RALGDS: variants seen among roughly 807,000 people sequenced by gnomAD.
RALGDS encodes the protein ral guanine nucleotide exchange factor.
Under a neutral mutation model 99.8 loss-of-function variants are expected in RALGDS, and 44 were observed. The ratio of observed to expected loss-of-function variants is 0.44; its 90% CI spans 0.35 to 0.57. The LOEUF (loss-of-function observed/expected upper bound fraction) is 0.57, where lower values mean the gene tolerates loss of function less well. Ranked by LOEUF, RALGDS falls within the 20% of genes least tolerant of loss-of-function variation. The pLI is 0.01. For missense variants in RALGDS, 1,022 were observed against 1,203.1 expected (o/e 0.85, Z 2.23); for synonymous variants, 529 against 505.0 (o/e 1.05, Z -0.64).
chr9:133,144,451 G>C lies in RALGDS; in HGVS notation c.18+4512C>G, dbSNP rs1209726161. 6.6e-6 allele frequency among the ~76,000 whole-genome samples: 1 copy of C among 152,208 alleles called. No individual in the cohort carries two copies. Among genetic ancestry groups the C allele is most frequent in the African/African-American group, 2.4e-5 (1 of 41,454 alleles). ...ACCCCGCCTCGGCCCCGCCTGGTTTGATTTCCTCCCGTGTGTGTCACCCAT... is the reference window on the plus strand; with the variant it reads ...ACCCCGCCTCGGCCCCGCCTGGTTTCATTTCCTCCCGTGTGTGTCACCCAT... On this transcript the variant is annotated intron_variant, in intron 1 of 17. Coordinates refer to the RALGDS transcript ENST00000393160. This position sits in a 1 kb window ranked among gnomAD's most constrained non-coding sequence, Gnocchi z 4.5.
At chr9:133,110,230 C>G (rs370589077) in intron 3 of RALGDS, 66 bp downstream of exon 3, 1 of 1,506,332 alleles carries the variant, frequency 6.6e-7, no homozygotes, top group East Asian at 2.3e-5. Context: ...TGCCAAGACC[C>G]GCAGCCAGGT....
intron 1 of RALGDS, among the ~76,000 whole-genome samples, chr9:133,148,026 G>T (rs1365385316): frequency 6.6e-6 from 1 of 152,114 alleles, no homozygotes; most frequent in African/African-American, 2.4e-5. Context: ...GCCACGCTCT[G>T]CACCACCCCA....
At chr9:133,122,773 C>T (rs1186520749), upstream of RALGDS, among the ~76,000 whole-genome samples, 1 of 151,744 alleles carries the variant, frequency 6.6e-6, no homozygotes, top group Admixed American at 6.6e-5. Flanking sequence ...GGTGTGATCT[C>T]GGCTCACTAA....
rs948567891 is a variant in RALGDS at position 133,121,037 on chromosome 9, G to A, written c.118C>T (p.Pro40Ser). 3 of 1,495,092 alleles carry A rather than the reference G, an allele frequency of 2.0e-6. No individual in the cohort carries two copies. In the African/African-American group the frequency reaches 4.4e-5, roughly 22 times the overall value. 92.6% of individuals were successfully genotyped at this position (1,495,092 alleles called of 1,614,324 possible). A position where few individuals can be genotyped will look rare whatever the true frequency, so the allele number is the denominator to read the frequency against. The change falls in exon 1 of 18, where the codon CCC becomes TCC. Residue 40 changes from proline (P) to serine (S), a missense_variant. Pro to Ser is a moderately conservative substitution (Grantham distance 74, BLOSUM62 -1). This residue lies in a region of RALGDS where 180 missense variants were observed against 169.3 expected (regional missense o/e 1.06). Coordinates refer to ENST00000372050, the MANE Select transcript of RALGDS (RefSeq NM_006266.4). Reference protein sequence around the residue: ...WDAVRLEVGVPDSCPVVLHSF... With the variant: ...WDAVRLEVGVSDSCPVVLHSF... ...TGCAGCACCACCGGGCAGCTGTCGG[G>A]GACGCCCACCTCCAGGCGCACGGCG...
At chr9:133,131,719 C>T (rs759198835), upstream of RALGDS, among the ~76,000 whole-genome samples, 1 of 152,120 alleles carries the variant, frequency 6.6e-6, no homozygotes, top group Non-Finnish European at 1.5e-5. Flanking sequence ...AGTGACTCAA[C>T]CTTGACCTTC....
chr9:133,103,927 G>T, intron 10 of RALGDS, 94 bp from the exon 11 acceptor site: 2 of 1,243,460 alleles, frequency 1.6e-6, no homozygotes, highest in Non-Finnish European at 2.3e-6. Flanking sequence ...ACAGCTGGGG[G>T]ACCTCTGGGG....
rs556141261 is a variant in RALGDS at position 133,113,749 on chromosome 9, G to A, written c.184-1597C>T. On this transcript the variant is annotated intron_variant, in intron 1 of 17. Coordinates refer to ENST00000372050, the MANE Select transcript of RALGDS (RefSeq NM_006266.4). ...CGGGCCTCCTCAGGGGTCCCAGACT[G>A]CCTCCTGTGAAGGCCGTTGGCTCAG... Among the ~76,000 whole-genome samples the A allele has an allele frequency of 7.2e-5, 11 of 152,322 alleles. No individual in the cohort carries two copies. In the East Asian group the frequency reaches 1.7e-3, roughly 24 times the overall value.
Position 133,106,936 on chromosome 9 carries a change from G to A in RALGDS, c.1413+149C>T, listed in dbSNP as rs180984107. 4,808 of 963,346 alleles carry A rather than the reference G, an allele frequency of 5.0e-3. 249 individuals are homozygous for A. In the Admixed American group the frequency reaches 0.086, roughly 17 times the overall value. The allele number at this position is 963,346 out of a possible 1,614,324, so 59.7% of individuals were successfully genotyped here. On this transcript the variant is annotated intron_variant, in intron 7 of 17. Coordinates refer to ENST00000372050, the MANE Select transcript of RALGDS (RefSeq NM_006266.4). ...CCCAAGGAAAGAGTGTAAGGAAGACGTGAGCATCCAGGCAGTGGGCTGGGA... is the reference window on the plus strand; with the variant it reads ...CCCAAGGAAAGAGTGTAAGGAAGACATGAGCATCCAGGCAGTGGGCTGGGA...
In RALGDS at chr9:133,108,865, C is replaced by G; in HGVS notation, c.586G>C (p.Ala196Pro). ...CAGGTGCCCAGGATGGAGGAGATGG[C>G]ACTGGGGACAGGTGGGTGGCAGCAG... is the stretch of plus-strand genomic sequence containing the variant. The part of the protein sequence containing the change: ...DGGPQDQLKN[A>P]ISSILGTWLD... The change falls in exon 5 of 18, where the codon GCC (alanine) becomes CCC (proline). Residue 196 changes from alanine to proline, a missense_variant and splice_region_variant. Around this residue, in one of 3 missense-constraint regions of RALGDS, gnomAD observed 825 missense variants for 994.5 expected, o/e 0.83. Transcript: ENST00000372050. The G allele has an allele frequency of 6.2e-7, 1 of 1,611,150 alleles. No homozygotes were observed. The highest frequency in any genetic ancestry group is 8.5e-7 in the Non-Finnish European group (1 of 1,178,746).
In RALGDS at chr9:133,107,060, G is replaced by C. The variant is rs1216041738; in HGVS notation, c.1413+25C>G. 5 of 1,611,630 alleles carry C rather than the reference G, an allele frequency of 3.1e-6. No individual in the cohort carries two copies. The South Asian group carries it at 5.5e-5, about 18-fold the overall frequency. On this transcript the variant is annotated intron_variant, in intron 7 of 17. Transcript: ENST00000372050. ...TGAGAACAGATGAAGCCAAAGTGGG[G>C]GCCCAGGCCCCTCCTCTGGCATACC... is the stretch of plus-strand genomic sequence containing the variant.
chr9:133,120,332 G>C (rs1831854226), intron 1 of RALGDS, among the ~76,000 whole-genome samples: 1 of 152,086 alleles, frequency 6.6e-6, no homozygotes, highest in South Asian at 2.1e-4. Flanking sequence ...GCAGAAACAA[G>C]TCTTGCCCGC....
chr9:133,103,589 A>C (rs1830864432), intron 11 of RALGDS, 158 bp downstream of exon 11: 1 of 837,582 alleles, frequency 1.2e-6, no homozygotes. Context: ...ACTCAGCCAA[A>C]CCCTGCTGCA....
chr9:133,106,795 G>T, intron 7 of RALGDS, 47 bp from the exon 8 acceptor site: 3 of 1,431,702 alleles, frequency 2.1e-6, no homozygotes, highest in Non-Finnish European at 1.9e-6. Context: ...GGAGCTCCCA[G>T]CTTGCCTGGC....
intron 1 of RALGDS, among the ~76,000 whole-genome samples, 167 bp from the exon 2 acceptor site, chr9:133,112,319 C>T (rs1181021818): frequency 6.6e-6 from 1 of 151,970 alleles, no homozygotes; most frequent in Non-Finnish European, 1.5e-5. Context: ...GAGCCACTGT[C>T]CCGGCACTCC....
Position 133,106,663 on chromosome 9 carries a change from G to A in RALGDS, c.1499C>T (p.Thr500Met), listed in dbSNP as rs61739697. 1.6e-5 allele frequency: 25 copies of A among 1,610,206 alleles called. No homozygotes were observed. The highest frequency in any genetic ancestry group is 4.0e-5 in the African/African-American group (3 of 74,814). ...TGCCCACCTGGAAACGTCTTCCCAC[G>A]TCTTCTTCAGACGGTGGATGGAGTT... ...QSNSIHRLKK[T>M]WEDVSRDSFR... The change falls in exon 8 of 18, where the codon ACG (threonine) becomes ATG (methionine). Residue 500 changes from threonine (T) to methionine (M), a missense_variant. Transcript: ENST00000372050.
chr9:133,144,539 G>C lies in RALGDS; in HGVS notation c.18+4424C>G, dbSNP rs929631439. On this transcript the variant is annotated intron_variant, in intron 1 of 17. Transcript: ENST00000393160. This position sits in a 1 kb window ranked among gnomAD's most constrained non-coding sequence, Gnocchi z 4.5. Reference sequence around the variant, plus strand: ...CAAGCTCCTCGCGACCCGAAAGCGAGACCTTTGTCTGCGGCAGCTCCGCGC... The same window carrying C: ...CAAGCTCCTCGCGACCCGAAAGCGACACCTTTGTCTGCGGCAGCTCCGCGC... Among the ~76,000 whole-genome samples the C allele has an allele frequency of 2.6e-5, 4 of 152,240 alleles. No homozygotes were observed. The highest frequency in any genetic ancestry group is 5.9e-5 in the Non-Finnish European group (4 of 68,044).
chr9:133,104,229 C>G (rs1830906768), intron 10 of RALGDS, 34 bp downstream of exon 10: 10 of 1,588,908 alleles, frequency 6.3e-6, no homozygotes, highest in Non-Finnish European at 8.6e-6. Flanking sequence ...CCCAGGCCAG[C>G]CCCCTGCCCC....
At chr9:133,124,358 A>G (rs1266317230), upstream of RALGDS, among the ~76,000 whole-genome samples, 1 of 152,120 alleles carries the variant, frequency 6.6e-6, no homozygotes, top group Non-Finnish European at 1.5e-5. Flanking sequence ...AGAGACACAC[A>G]GACAGAGACA....
chr9:133,145,989 G>T (rs2119279586), intron 1 of RALGDS, among the ~76,000 whole-genome samples: 1 of 152,336 alleles, frequency 6.6e-6, no homozygotes, highest in African/African-American at 2.4e-5. Context: ...GCGAGACACA[G>T]CCCGGAATAC....
Sources: gnomAD v4.1 joint callset for allele counts (sites outside exome capture counted in the v4.1 genomes callset) on GRCh38, gnomAD v4.1.1 for gene constraint, gnomAD v4.1.1 regional missense constraint, Gnocchi (gnomAD v3.1) non-coding constraint, MANE v1.5 for transcripts, NCBI Gene and HGNC (gene_info 2026-07-23, HGNC 2026-07-21) for gene names.